COBL: variants seen among roughly 807,000 people sequenced by gnomAD.
The protein encoded by COBL is protein cordon-bleu.
Under a neutral mutation model 98.8 loss-of-function variants are expected in COBL, and 51 were observed. The ratio of observed to expected loss-of-function variants is 0.52; its 90% CI spans 0.41 to 0.65. The LOEUF is 0.65. Ranked by LOEUF, COBL falls within the 30% of genes least tolerant of loss-of-function variation. The pLI is 0.00. For synonymous variants in COBL, 634 were observed against 651.7 expected (o/e 0.97, Z 0.41); for missense variants, 1,617 against 1,617.5 (o/e 1.00, Z 0.01).
intron 1 of COBL, among the ~76,000 whole-genome samples, chr7:51,258,463 C>T (rs531128062): frequency 7.2e-5 from 11 of 152,156 alleles, no homozygotes; most frequent in African/African-American, 9.7e-5. Flanking sequence ...TGATTTCAGA[C>T]GAGGCGGCAG....
intron 7 of COBL, among the ~76,000 whole-genome samples, chr7:51,056,471 T>C (rs1439994363): frequency 6.6e-6 from 1 of 152,166 alleles, no homozygotes; most frequent in Non-Finnish European, 1.5e-5. Flanking sequence ...ATGACCTGTC[T>C]GGTGTCTCTG....
intron 1 of COBL, among the ~76,000 whole-genome samples, chr7:51,225,881 G>A (rs1351981679): frequency 6.6e-6 from 1 of 152,184 alleles, no homozygotes; most frequent in East Asian, 1.9e-4. Flanking sequence ...GTGAGGCCCA[G>A]GTAGCTGAAT....
In COBL at chr7:51,219,539, T is replaced by C. The variant is rs552491081; in HGVS notation, c.245+202A>G. Among the ~76,000 whole-genome samples, 15 of 152,174 alleles carry C rather than the reference T, an allele frequency of 9.9e-5. No homozygotes were observed. In the South Asian group the frequency reaches 2.9e-3, roughly 30 times the overall value. On this transcript the variant is annotated intron_variant, in intron 2 of 12. Coordinates refer to ENST00000265136, the MANE Select transcript of COBL (RefSeq NM_015198.5). Reference sequence around the variant, plus strand: ...CATCTGGTGAGCCATCATGGCTGGATCAATTAGCATAAGCCCACCCCAGGT... The same window carrying C: ...CATCTGGTGAGCCATCATGGCTGGACCAATTAGCATAAGCCCACCCCAGGT...
intron 7 of COBL, among the ~76,000 whole-genome samples, chr7:51,063,989 C>CT (rs1426789609): frequency 2.0e-5 from 3 of 152,226 alleles, no homozygotes; most frequent in African/African-American, 7.2e-5. Context: ...CAGCCTGGCT[C>CT]TAGCCCCATG....
At chr7:51,256,323 T>TCCC (rs1207324902) in intron 1 of COBL, among the ~76,000 whole-genome samples, 1 of 152,182 alleles carries the variant, frequency 6.6e-6, no homozygotes, top group Non-Finnish European at 1.5e-5. Context: ...GCCATGAAAT[T>TCCC]CCCTGCAGGA....
At chr7:51,095,359 T>TAA (rs1795178815) in intron 6 of COBL, among the ~76,000 whole-genome samples, 1 of 152,132 alleles carries the variant, frequency 6.6e-6, no homozygotes, top group Non-Finnish European at 1.5e-5. Flanking sequence ...CTATGGGAGC[T>TAA]AAAACTGAAG....
At chr7:51,222,718 G>A (rs6593337) in intron 1 of COBL, among the ~76,000 whole-genome samples, 93,365 of 146,566 alleles carry the variant, frequency 0.64, 29,156 homozygotes, top group African/African-American at 0.72. Context: ...GTTTTCAGGG[G>A]AAAAAAAAAA....
intron 6 of COBL, among the ~76,000 whole-genome samples, chr7:51,097,161 C>T (rs1583780560): frequency 6.6e-6 from 1 of 152,134 alleles, no homozygotes; most frequent in East Asian, 1.9e-4. Flanking sequence ...GGATTTATTC[C>T]TGGAAGGTAA....
chr7:51,210,603 C>A (rs2129076460), intron 2 of COBL, among the ~76,000 whole-genome samples: 1 of 152,298 alleles, frequency 6.6e-6, no homozygotes, highest in South Asian at 2.1e-4. Context: ...ATTAAAGAAC[C>A]TGGACACACA....
intron 11 of COBL, among the ~76,000 whole-genome samples, chr7:51,025,685 A>T (rs1787482196): frequency 6.6e-6 from 1 of 152,176 alleles, no homozygotes; most frequent in Non-Finnish European, 1.5e-5. Context: ...TGAGCAATAA[A>T]ATTCTGTCAT....
intron 1 of COBL, among the ~76,000 whole-genome samples, chr7:51,253,092 C>A (rs1440429981): frequency 6.6e-6 from 1 of 151,972 alleles, no homozygotes; most frequent in African/African-American, 2.4e-5. Context: ...GTCATGGTGG[C>A]GGGCACCTGT....
intron 5 of COBL, among the ~76,000 whole-genome samples, chr7:51,137,035 A>T (rs997370611): frequency 4.3e-4 from 65 of 152,314 alleles, no homozygotes; most frequent in African/African-American, 1.4e-3. Flanking sequence ...GCTTAATAGA[A>T]TCATGTAAGT....
intron 1 of COBL, among the ~76,000 whole-genome samples, chr7:51,249,795 G>GA (rs1796564302): frequency 6.6e-6 from 1 of 152,182 alleles, no homozygotes; most frequent in African/African-American, 2.4e-5. Context: ...AGCTGGCTGT[G>GA]AAAACTGAAC....
chr7:51,094,873 T>C (rs753242572), intron 6 of COBL, among the ~76,000 whole-genome samples: 3 of 151,836 alleles, frequency 2.0e-5, no homozygotes, highest in Non-Finnish European at 4.4e-5. Context: ...ATATGATGTG[T>C]ATAGGGTGAA....
At chr7:51,191,217 G>A (rs1790088481) in intron 3 of COBL, 139 bp from the exon 4 acceptor site, 1 of 678,888 alleles carries the variant, frequency 1.5e-6, no homozygotes, top group Admixed American at 2.4e-5. Context: ...TGAGTAATGG[G>A]GGAAAACAGC....
chr7:51,209,764 G>A (rs757918431), intron 2 of COBL, among the ~76,000 whole-genome samples: 1 of 152,104 alleles, frequency 6.6e-6, no homozygotes, highest in Non-Finnish European at 1.5e-5. Context: ...AAGGGAGCTG[G>A]GGTCCACTCT....
intron 12 of COBL, among the ~76,000 whole-genome samples, chr7:51,017,938 A>G (rs1235459018): frequency 6.6e-6 from 1 of 152,166 alleles, no homozygotes; most frequent in Non-Finnish European, 1.5e-5. Context: ...ATCGTGACTA[A>G]CATTTGATGT....
intron 1 of COBL, among the ~76,000 whole-genome samples, chr7:51,235,030 G>A (rs1795113535): frequency 6.6e-6 from 1 of 152,082 alleles, no homozygotes; most frequent in Non-Finnish European, 1.5e-5. Flanking sequence ...TGTCTCTGGG[G>A]GTCCTGAGGG....
chr7:51,191,898 C>T (rs894830619), intron 3 of COBL, among the ~76,000 whole-genome samples: 33 of 152,184 alleles, frequency 2.2e-4, no homozygotes, highest in African/African-American at 6.8e-4. Context: ...GAAGGCCTCA[C>T]GCTCTCTTCC....
Sources: gnomAD v4.1 joint callset for allele counts (sites outside exome capture counted in the v4.1 genomes callset) on GRCh38, gnomAD v4.1.1 for gene constraint, MANE v1.5 for transcripts, NCBI Gene and HGNC (gene_info 2026-07-23, HGNC 2026-07-21) for gene names.